The following PRKCH variants were observed in gnomAD, a reference collection of about 807,000 sequenced individuals.
PRKCH encodes protein kinase C eta.
In PRKCH, 28 loss-of-function variants were observed where a neutral mutation model predicts 82.5. That is an observed-to-expected ratio of 0.34 (90% CI 0.25 to 0.47). The LOEUF (loss-of-function observed/expected upper bound fraction) is 0.47. Among genes scored for constraint, PRKCH ranks in the 20% least tolerant of loss-of-function variants. The probability of loss-of-function intolerance (pLI) is 1.00; values close to 1 mark genes in which losing one functional copy is unlikely to be tolerated. For missense variants in PRKCH, 705 were observed against 881.8 expected, an observed-to-expected ratio of 0.80 and a Z score of 2.54; for synonymous variants, 322 against 327.4, an observed-to-expected ratio of 0.98 and a Z score of 0.18.
rs142220319 is a variant in PRKCH, at chr14:61,331,839, C to T, written c.363+9375C>T. ...AATTATGTGTTATCAAAGTTAGTAA[C>T]TCCTAAGAATTAAATTGGTCCAAAT... On this transcript the variant is annotated intron_variant, in intron 1 of 13. Transcript: ENST00000332981. 5.8e-3 allele frequency among the ~76,000 whole-genome samples: 885 copies of T among 152,316 alleles called. 6 individuals are homozygous for T. The highest frequency in any genetic ancestry group is 0.02 in the African/African-American group (851 of 41,566).
chr14:61,468,751 A>G (rs1407630738), intron 9 of PRKCH, among the ~76,000 whole-genome samples: 1 of 152,192 alleles, frequency 6.6e-6, no homozygotes, highest in Admixed American at 6.5e-5. Context: ...CTGACAACCT[A>G]GAGACTGAGT....
chr14:61,295,199 A>G (rs573276033), intron 1 of PRKCH, among the ~76,000 whole-genome samples: 1 of 152,322 alleles, frequency 6.6e-6, no homozygotes, highest in African/African-American at 2.4e-5. Context: ...AATGTAATTG[A>G]CATGCAGTTG....
rs553749157 is a variant in PRKCH, at chr14:61,282,615, TA to T, written c.-19+94948del. Among the ~76,000 whole-genome samples, 595 of 152,284 alleles carry T rather than the reference TA, an allele frequency of 3.9e-3. 3 individuals are homozygous for T. The highest frequency in any genetic ancestry group is 0.013 in the African/African-American group (560 of 41,554). On this transcript the variant is annotated intron_variant, in intron 1 of 3. Transcript: ENST00000555185. The stretch of plus-strand genomic sequence containing the variant: ...ATTTGCAGTTTGATAGGGGACATAT[TA>T]GGAGTAAGAAACAATCAAAATAGCC...
chr14:61,352,722 G>GAAAGAA (rs1555378126), intron 1 of PRKCH, among the ~76,000 whole-genome samples: 6 of 151,376 alleles, frequency 4.0e-5, no homozygotes, highest in African/African-American at 1.5e-4. Context: ...AAGAAAGAAA[G>GAAAGAA]AAAGAAAGAA....
intron 1 of PRKCH, among the ~76,000 whole-genome samples, chr14:61,293,938 G>T (rs187111767): frequency 1.6e-4 from 24 of 152,002 alleles, no homozygotes; most frequent in Non-Finnish European, 2.9e-4. Context: ...TCCATGTTCC[G>T]AGGTGGCCAT....
At chr14:61,503,801 G>A (rs1018385019) in intron 10 of PRKCH, among the ~76,000 whole-genome samples, 1 of 152,074 alleles carries the variant, frequency 6.6e-6, no homozygotes, top group Admixed American at 6.5e-5. Context: ...AAAAGAAAGA[G>A]GTAGAGTCGA....
At chr14:61,389,535 A>T (rs191144114) in intron 1 of PRKCH, among the ~76,000 whole-genome samples, 1 of 151,592 alleles carries the variant, frequency 6.6e-6, no homozygotes, top group East Asian at 2.0e-4. Flanking sequence ...ACATACATAC[A>T]TACCTAGATA....
At chr14:61,364,012 G>A (rs1566839706) in intron 1 of PRKCH, among the ~76,000 whole-genome samples, 3 of 146,026 alleles carry the variant, frequency 2.1e-5, no homozygotes, top group African/African-American at 7.5e-5. Flanking sequence ...ATATTTGTGT[G>A]TATATATATA....
intron 12 of PRKCH, chr14:61,543,655 A>T (rs1311587016): frequency 6.6e-6 from 1 of 152,230 alleles, no homozygotes; most frequent in African/African-American, 2.4e-5. Flanking sequence ...AGCTGAGGTG[A>T]GGCAACTTTT....
chr14:61,202,267 T>C (rs2044487441), intron 1 of PRKCH, among the ~76,000 whole-genome samples: 1 of 152,198 alleles, frequency 6.6e-6, no homozygotes, highest in South Asian at 2.1e-4. Flanking sequence ...ACAAGGACAC[T>C]TCTGAACTTT....
At chr14:61,434,974 T>C (rs1360244167) in intron 2 of PRKCH, among the ~76,000 whole-genome samples, 1 of 152,190 alleles carries the variant, frequency 6.6e-6, no homozygotes, top group East Asian at 1.9e-4. Context: ...GCCCCACCCA[T>C]ATTTCCTTTC....
chr14:61,235,899 A>G (rs2044783771), intron 1 of PRKCH, among the ~76,000 whole-genome samples: 1 of 152,136 alleles, frequency 6.6e-6, no homozygotes, highest in African/African-American at 2.4e-5. Context: ...ATAAAATTCT[A>G]AGCACCCCCA....
chr14:61,520,240 T>A (rs1375536873), intron 10 of PRKCH, among the ~76,000 whole-genome samples: 1 of 152,220 alleles, frequency 6.6e-6, no homozygotes, highest in Non-Finnish European at 1.5e-5. Flanking sequence ...AATAGACTTT[T>A]ATGTTTTTCC....
At chr14:61,433,052 A>AAAACAAAAAAC (rs1555386586) in intron 2 of PRKCH, among the ~76,000 whole-genome samples, 1 of 149,742 alleles carries the variant, frequency 6.7e-6, no homozygotes, top group African/African-American at 2.5e-5. Flanking sequence ...TCAAAAAAAA[A>AAAACAAAAAAC]AAAAAAAAAC....
At chr14:61,291,502 G>A (rs1292400017) in intron 1 of PRKCH, among the ~76,000 whole-genome samples, 1 of 152,004 alleles carries the variant, frequency 6.6e-6, no homozygotes, top group Non-Finnish European at 1.5e-5. Flanking sequence ...GCTAATTTTT[G>A]TATTTTTAGT....
intron 1 of PRKCH, among the ~76,000 whole-genome samples, chr14:61,259,102 C>T (rs1226139839): frequency 6.6e-6 from 1 of 152,152 alleles, no homozygotes; most frequent in African/African-American, 2.4e-5. Context: ...ACTATAAATG[C>T]CGTGATGAAT....
chr14:61,270,298 G>T (rs1400213038), intron 1 of PRKCH, among the ~76,000 whole-genome samples: 1 of 152,052 alleles, frequency 6.6e-6, no homozygotes, highest in African/African-American at 2.4e-5. Context: ...TGAGACCCCT[G>T]TCTCCACAAA....
chr14:61,518,356 G>A (rs1015482775), intron 10 of PRKCH, among the ~76,000 whole-genome samples: 1 of 151,790 alleles, frequency 6.6e-6, no homozygotes, highest in Non-Finnish European at 1.5e-5. Flanking sequence ...ACTATCAGGA[G>A]CTGCTAAATA....
intron 10 of PRKCH, among the ~76,000 whole-genome samples, chr14:61,524,380 ACAAAAGCTGTAG>A (rs1305186094): frequency 6.6e-6 from 1 of 152,236 alleles, no homozygotes; most frequent in Non-Finnish European, 1.5e-5. Context: ...TGCTTGCATG[ACAAAAGCTGTAG>A]CTATTAAATA....
Sources: gnomAD v4.1 joint callset for allele counts (sites outside exome capture counted in the v4.1 genomes callset) on GRCh38, gnomAD v4.1.1 for gene constraint, MANE v1.5 for transcripts, NCBI Gene and HGNC (gene_info 2026-07-23, HGNC 2026-07-21) for gene names.